Variants in PLCG2 observed in about 807,000 individuals in gnomAD.
PLCG2 encodes the protein phospholipase C gamma 2, also known as 1-phosphatidylinositol 4,5-bisphosphate phosphodiesterase gamma-2.
PLCG2 carries 69 observed loss-of-function variants against 175.6 expected under a neutral mutation model. The ratio of observed to expected loss-of-function variants is 0.39; its 90% CI spans 0.32 to 0.48. The LOEUF is 0.48. Among genes scored for constraint, PLCG2 ranks in the 20% least tolerant of loss-of-function variants. The probability of loss-of-function intolerance (pLI) is 0.91; values close to 1 mark genes in which losing one functional copy is unlikely to be tolerated. For missense variants in PLCG2, 1,798 were observed against 1,650.9 expected, an observed-to-expected ratio of 1.09 and a Z score of -1.54; for synonymous variants, 827 against 624.0, an observed-to-expected ratio of 1.33 and a Z score of -4.85.
chr16:81,821,225 G>A (rs985516886), intron 2 of PLCG2, among the ~76,000 whole-genome samples: 6 of 152,214 alleles, frequency 3.9e-5, no homozygotes, highest in Non-Finnish European at 7.3e-5. Context: ...ATTGTTGTGG[G>A]GATTCAGTGA....
In PLCG2 at chr16:81,927,193, T is replaced by C. The variant is rs1910310776; in HGVS notation, c.2514+15T>C. 1 of 1,557,164 alleles carries C rather than the reference T, an allele frequency of 6.4e-7. No individual in the cohort carries two copies. The highest frequency in any genetic ancestry group is 1.7e-5 in the Admixed American group (1 of 59,942). Reference sequence around the variant, plus strand: ...TAGAAAAGCAGGTGAGTCCCCCTCTTCGATCCTCTTACAGGAAGAAGGGAT... The same window carrying C: ...TAGAAAAGCAGGTGAGTCCCCCTCTCCGATCCTCTTACAGGAAGAAGGGAT... On this transcript the variant is annotated intron_variant, in intron 23 of 32. Transcript: ENST00000564138.
chr16:81,868,368 T>A (rs1464129907), intron 5 of PLCG2, among the ~76,000 whole-genome samples: 3 of 117,370 alleles, frequency 2.6e-5, no homozygotes, highest in Non-Finnish European at 4.2e-5. Flanking sequence ...AAAGAAACCT[T>A]TATTTTTTTA....
chr16:81,883,995 A>G (rs980630623), intron 9 of PLCG2, among the ~76,000 whole-genome samples: 1 of 152,184 alleles, frequency 6.6e-6, no homozygotes, highest in Admixed American at 6.5e-5. Context: ...TAGCAGGTCA[A>G]CACCAGGGAT....
In PLCG2 at chr16:81,909,285, T is replaced by C. The variant is rs534920953; in HGVS notation, c.1733+694T>C. The stretch of plus-strand genomic sequence containing the variant: ...ACATAAAGGGACATCCCTCCCTTTA[T>C]TGGGGGGGTTTAATGTGAGTTGGGG... On this transcript the variant is annotated intron_variant, in intron 17 of 32. Coordinates refer to ENST00000564138, the MANE Select transcript of PLCG2 (RefSeq NM_002661.5). Among the ~76,000 whole-genome samples the C allele has an allele frequency of 1.2e-4, 18 of 148,584 alleles. No homozygotes were observed. The East Asian group carries it at 2.3e-3, about 19-fold the overall frequency.
At chr16:81,793,649 T>A (rs1911338113) in intron 2 of PLCG2, among the ~76,000 whole-genome samples, 1 of 152,208 alleles carries the variant, frequency 6.6e-6, no homozygotes, top group Admixed American at 6.5e-5. Context: ...TTCCTTGGTA[T>A]TAGGTTCTTG....
intron 21 of PLCG2, among the ~76,000 whole-genome samples, chr16:81,922,474 G>C (rs776027344): frequency 1.3e-5 from 2 of 152,228 alleles, no homozygotes; most frequent in African/African-American, 4.8e-5. Context: ...AGAAGTGCAA[G>C]CTGTTGTCAG....
chr16:81,873,857 C>T (rs1907638410), intron 7 of PLCG2, among the ~76,000 whole-genome samples: 1 of 152,218 alleles, frequency 6.6e-6, no homozygotes, highest in African/African-American at 2.4e-5. Context: ...ATGGTTTCCA[C>T]TGTGGTAACA....
At chr16:81,905,002 C>T (rs1204595661) in intron 14 of PLCG2, among the ~76,000 whole-genome samples, 1 of 152,240 alleles carries the variant, frequency 6.6e-6, no homozygotes, top group East Asian at 1.9e-4. Context: ...ATCTTACTGT[C>T]TCAGCCTCCT....
intron 5 of PLCG2, among the ~76,000 whole-genome samples, chr16:81,868,054 T>C (rs774819729): frequency 2.6e-5 from 4 of 152,232 alleles, no homozygotes; most frequent in Non-Finnish European, 5.9e-5. Context: ...GAAACACTCA[T>C]GCAGATTCCT....
At chr16:81,747,752 A>G (rs986546216) in intron 1 of PLCG2, among the ~76,000 whole-genome samples, 1 of 152,184 alleles carries the variant, frequency 6.6e-6, no homozygotes. Flanking sequence ...AAGAAACAGA[A>G]ATTCAAGTTA....
chr16:81,820,449 T>C (rs1904744089), intron 2 of PLCG2, among the ~76,000 whole-genome samples: 1 of 152,342 alleles, frequency 6.6e-6, no homozygotes, highest in East Asian at 1.9e-4. Flanking sequence ...TCGACTTCTT[T>C]TGTGTGATGT....
chr16:81,830,312 T>G (rs1905208787), intron 2 of PLCG2, among the ~76,000 whole-genome samples: 1 of 152,108 alleles, frequency 6.6e-6, no homozygotes, highest in African/African-American at 2.4e-5. Flanking sequence ...CTTTTTCTTC[T>G]TCTTTTTTCT....
intron 7 of PLCG2, among the ~76,000 whole-genome samples, chr16:81,878,593 C>T (rs944896786): frequency 5.9e-5 from 9 of 152,220 alleles, no homozygotes; most frequent in African/African-American, 2.2e-4. Flanking sequence ...TTCCCTTCTT[C>T]CTACTGTCTC....
chr16:81,740,593 G>T (rs981805533), intron 1 of PLCG2: 5 of 151,804 alleles, frequency 3.3e-5, no homozygotes, highest in African/African-American at 1.2e-4. Flanking sequence ...AATTAGCCGG[G>T]TGTGGTGGTA....
chr16:81,780,855 C>A (rs1038090022), intron 1 of PLCG2, among the ~76,000 whole-genome samples: 3 of 152,142 alleles, frequency 2.0e-5, no homozygotes, highest in African/African-American at 7.2e-5. Context: ...GGTGAAACCC[C>A]ATCTCTACTA....
chr16:81,930,934 T>C (rs7499232), intron 24 of PLCG2, among the ~76,000 whole-genome samples: 138,941 of 152,206 alleles, frequency 0.91, 63,539 homozygotes, highest in Non-Finnish European at 0.94. Context: ...AAAATGAACA[T>C]GTATTGTTTT....
At position 81,854,579 on chromosome 16, in the gene PLCG2, G is replaced by C. The variant is rs1906587786; in HGVS notation, c.329G>C (p.Ser110Thr). 1 of 1,613,822 alleles carries C rather than the reference G, an allele frequency of 6.2e-7. No individual in the cohort carries two copies. Among genetic ancestry groups the C allele is most frequent in the Non-Finnish European group, 8.5e-7 (1 of 1,179,712 alleles). ...YGTQFVLSTL[S>T]LAADSKEDAV... is the part of the protein sequence containing the mutation. ...ACTCAGTTCGTCCTCAGCACGCTCA[G>C]CTTGGCAGGTAGGTGCATGTTTCTG... is the stretch of plus-strand genomic sequence containing the variant. The change falls in exon 3 of 33, where the codon AGC becomes ACC. Residue 110 changes from serine (S) to threonine (T), a missense_variant. Physicochemically the swap from Ser to Thr is moderately conservative, Grantham distance 58. Transcript: ENST00000564138.
chr16:81,791,075 CAT>C (rs757598401), intron 2 of PLCG2, among the ~76,000 whole-genome samples: 6 of 152,160 alleles, frequency 3.9e-5, no homozygotes, highest in South Asian at 2.1e-4. Context: ...TTGTTCAGCA[CAT>C]GTTTGCCATC....
chr16:81,778,215 AAG>A (rs1433544035), upstream of PLCG2, among the ~76,000 whole-genome samples: 7 of 152,160 alleles, frequency 4.6e-5, no homozygotes, highest in Middle Eastern at 0.017. Flanking sequence ...ATGTCGAAAA[AAG>A]AGAAAATTAG....
Sources: gnomAD v4.1 joint callset for allele counts (sites outside exome capture counted in the v4.1 genomes callset) on GRCh38, gnomAD v4.1.1 for gene constraint, MANE v1.5 for transcripts, NCBI Gene and HGNC (gene_info 2026-07-23, HGNC 2026-07-21) for gene names.